Variants in HADHA observed in about 807,000 individuals in gnomAD.
HADHA encodes the protein hydroxyacyl-CoA dehydrogenase trifunctional multienzyme complex subunit alpha, also known as trifunctional enzyme subunit alpha, mitochondrial.
HADHA carries 59 observed loss-of-function variants against 91.3 expected under a neutral mutation model. That is an observed-to-expected ratio of 0.65 (90% CI 0.52 to 0.80). The LOEUF is 0.80. Among genes scored for constraint, HADHA ranks in the 30% least tolerant of loss-of-function variants. HADHA has a pLI of 0.00. For synonymous variants in HADHA, 320 were observed against 338.9 expected (o/e 0.94, Z 0.61); for missense variants, 800 against 927.6 (o/e 0.86, Z 1.79).
chr2:26,230,047 T>A, intron 7 of HADHA, 145 bp downstream of exon 7: 1 of 653,420 alleles, frequency 1.5e-6, no homozygotes, highest in Non-Finnish European at 2.9e-6. Context: ...GGTCTCAAAC[T>A]CCTGACCTCA....
rs1670554809 is a variant in HADHA, at chr2:26,229,222, C to T, written c.676+970G>A. Among the ~76,000 whole-genome samples the T allele has an allele frequency of 6.6e-6, 1 of 151,926 alleles. No homozygotes were observed. ...GTGTAGCAGCGTATGCCTGTGGTCTCAGCTACTCGGGGGGCACAAGTGGGA... is the reference window on the plus strand; with the variant it reads ...GTGTAGCAGCGTATGCCTGTGGTCTTAGCTACTCGGGGGGCACAAGTGGGA... On this transcript the variant is annotated intron_variant, in intron 7 of 19. Transcript: ENST00000380649. The surrounding 1 kb of genome is among the most constrained non-coding windows in gnomAD (Gnocchi z 4.3).
Position 26,194,630 on chromosome 2 carries a change from A to G in HADHA, c.1629T>C (p.Pro543=), listed in dbSNP as rs1056729658. 8.1e-6 allele frequency: 13 copies of G among 1,608,382 alleles called. No homozygotes were observed. The highest frequency in any genetic ancestry group is 1.7e-4 in the Middle Eastern group (1 of 5,740). ...GKVIIVVKDG[P]GFYTTRCLAP... is the part of the protein sequence containing the mutation. The stretch of plus-strand genomic sequence containing the variant: ...CAAGACACCTGGTAGTATAGAAGCC[A>G]GGTCCATCCTGCCAAGGAAGAGAAC... The change falls in exon 16 of 20, where the codon CCT becomes CCC. Residue 543 remains proline (P), a synonymous_variant. Transcript: ENST00000380649.
chr2:26,217,120 C>T (rs1305154435), intron 7 of HADHA, among the ~76,000 whole-genome samples: 1 of 151,930 alleles, frequency 6.6e-6, no homozygotes, highest in East Asian at 1.9e-4. Context: ...ACTTAGGAGA[C>T]TGAGGTGAGA....
chr2:26,231,166 A>C (rs1381708531), intron 6 of HADHA, among the ~76,000 whole-genome samples: 1 of 152,226 alleles, frequency 6.6e-6, no homozygotes, highest in Non-Finnish European at 1.5e-5. Context: ...ATGCATATTC[A>C]TTCTTTCAAT....
chr2:26,216,819 C>T (rs777716074), intron 7 of HADHA, among the ~76,000 whole-genome samples: 2 of 152,218 alleles, frequency 1.3e-5, no homozygotes, highest in East Asian at 1.9e-4. Flanking sequence ...CTCTAAAGAG[C>T]GGTCCTTGAA....
chr2:26,212,936 C>T (rs934623106), intron 9 of HADHA, among the ~76,000 whole-genome samples: 4 of 152,198 alleles, frequency 2.6e-5, no homozygotes, highest in African/African-American at 4.8e-5. Context: ...GCCCTTTTCA[C>T]TCTCTACACT....
chr2:26,203,091 C>G (rs756221932), intron 12 of HADHA, among the ~76,000 whole-genome samples: 4 of 152,208 alleles, frequency 2.6e-5, no homozygotes, highest in Non-Finnish European at 5.9e-5. Context: ...AGTTTCAGGG[C>G]ACTGCTGCTA....
chr2:26,234,792 C>T (rs1670708413), intron 4 of HADHA, among the ~76,000 whole-genome samples: 1 of 151,442 alleles, frequency 6.6e-6, no homozygotes, highest in South Asian at 2.1e-4. Flanking sequence ...ATTCTGGATC[C>T]AGAAAACATA....
At chr2:26,239,349 GC>G (rs1670838046) in intron 1 of HADHA, among the ~76,000 whole-genome samples, 1 of 152,142 alleles carries the variant, frequency 6.6e-6, no homozygotes, top group South Asian at 2.1e-4. Context: ...AGGAAGACTG[GC>G]CCCCACAAAG....
intron 1 of HADHA, among the ~76,000 whole-genome samples, chr2:26,241,340 C>G (rs567420460): frequency 6.6e-6 from 1 of 152,188 alleles, no homozygotes; most frequent in South Asian, 2.1e-4. Flanking sequence ...CAATCTATGG[C>G]CGGGCGCGGT....
chr2:26,231,667 A>G (rs901846357), intron 6 of HADHA, among the ~76,000 whole-genome samples: 13 of 152,144 alleles, frequency 8.5e-5, no homozygotes, highest in Non-Finnish European at 8.8e-5. Flanking sequence ...GACCTTGATC[A>G]ATAATTCTGT....
intron 7 of HADHA, among the ~76,000 whole-genome samples, chr2:26,226,290 C>A (rs1304109901): frequency 1.3e-5 from 2 of 152,074 alleles, no homozygotes; most frequent in Non-Finnish European, 2.9e-5. Flanking sequence ...CAATAAAAAT[C>A]CTAGCAGGTA....
chr2:26,208,876 T>C (rs1436467948), intron 11 of HADHA, among the ~76,000 whole-genome samples: 1 of 152,212 alleles, frequency 6.6e-6, no homozygotes. Flanking sequence ...AAATCAGCCC[T>C]CTTGGTTAGA....
rs2147748660 is a variant in HADHA, at chr2:26,191,256, G to A, written c.2286C>T (p.Tyr762=). The change falls in exon 20 of 20, where the codon TAC becomes TAT. Residue 762 remains tyrosine, a synonymous_variant. Coordinates refer to ENST00000380649, the MANE Select transcript of HADHA (RefSeq NM_000182.5). ...DHANSPNKKF[Y]Q is the part of the protein sequence containing the mutation. Reference sequence around the variant, plus strand: ...AGCGAGGCATGAGGCCTGCTCACTGGTAGAACTTCTTGTTAGGGCTGTTAG... The same window carrying A: ...AGCGAGGCATGAGGCCTGCTCACTGATAGAACTTCTTGTTAGGGCTGTTAG... The A allele has an allele frequency of 1.2e-6, 2 of 1,612,484 alleles. No homozygotes were observed. Among genetic ancestry groups the A allele is most frequent in the Non-Finnish European group, 1.7e-6 (2 of 1,179,984 alleles).
intron 10 of HADHA, chr2:26,212,278 G>T (rs1267351021): frequency 5.0e-6 from 2 of 398,204 alleles, no homozygotes; most frequent in South Asian, 2.2e-5. Context: ...GTAAAGATGG[G>T]GTTTTGCCAT....
At position 26,221,855 on chromosome 2, in the gene HADHA, C is replaced by G. The variant is rs1670382275; in HGVS notation, c.677-6680G>C. On this transcript the variant is annotated intron_variant, in intron 7 of 19. Transcript: ENST00000380649. This position sits in a 1 kb window ranked among gnomAD's most constrained non-coding sequence, Gnocchi z 4.8. ...AGTGGGCAGTACTTCTGACAGTGCA[C>G]CCGGTTGTTCATTTTGTCTAGAAAG... Among the ~76,000 whole-genome samples, 1 of 152,142 alleles carries G rather than the reference C, an allele frequency of 6.6e-6. No individual in the cohort carries two copies. Among genetic ancestry groups the G allele is most frequent in the South Asian group, 2.1e-4 (1 of 4,830 alleles).
intron 14 of HADHA, among the ~76,000 whole-genome samples, chr2:26,196,752 G>A (rs777515874): frequency 4.6e-5 from 7 of 152,190 alleles, no homozygotes; most frequent in East Asian, 1.9e-4. Flanking sequence ...CTCCGATGGC[G>A]GGGAGAGGTT....
At chr2:26,236,606 G>C (rs1357286145) in intron 4 of HADHA, among the ~76,000 whole-genome samples, 1 of 151,646 alleles carries the variant, frequency 6.6e-6, no homozygotes, top group Non-Finnish European at 1.5e-5. Flanking sequence ...GTGGAGACAG[G>C]GTTTCACCAT....
chr2:26,201,094 C>G lies in HADHA; in HGVS notation c.1392+55G>C, dbSNP rs1669820352. The G allele has an allele frequency of 3.0e-6, 4 of 1,341,212 alleles. No individual in the cohort carries two copies. The Admixed American group carries it at 5.1e-5, about 17-fold the overall frequency. The allele number at this position is 1,341,212 out of a possible 1,614,324, so 83.1% of individuals were successfully genotyped here. Reference sequence around the variant, plus strand: ...CCTATAGCTCCTTTAAAAAAAAAATCTCTGTGTTTTCTGTTCACTACACTA... The same window carrying G: ...CCTATAGCTCCTTTAAAAAAAAAATGTCTGTGTTTTCTGTTCACTACACTA... On this transcript the variant is annotated intron_variant, in intron 13 of 19. Transcript: ENST00000380649.
Sources: gnomAD v4.1 joint callset for allele counts (sites outside exome capture counted in the v4.1 genomes callset) on GRCh38, gnomAD v4.1.1 for gene constraint, Gnocchi (gnomAD v3.1) non-coding constraint, MANE v1.5 for transcripts, NCBI Gene and HGNC (gene_info 2026-07-23, HGNC 2026-07-21) for gene names.